PTPRD: variants seen among roughly 807,000 people sequenced by gnomAD.
PTPRD encodes protein tyrosine phosphatase receptor type D, also known as receptor-type tyrosine-protein phosphatase delta.
Under a neutral mutation model 214.5 loss-of-function variants are expected in PTPRD, and 34 were observed. That is an observed-to-expected ratio of 0.16 (90% confidence interval 0.12 to 0.21). The LOEUF (loss-of-function observed/expected upper bound fraction) is 0.21, where lower values mean the gene tolerates loss of function less well. PTPRD is among the 10% of genes least tolerant of loss of function. The pLI, the probability that PTPRD is intolerant of heterozygous loss-of-function variation, is 1.00. For missense variants in PTPRD, 2,545 were observed against 2,398.7 expected (o/e 1.06, Z -1.27); for synonymous variants, 1,128 against 845.7 (o/e 1.33, Z -5.79).
chr9:10,310,574 GAA>G (rs113423947), intron 3 of PTPRD, among the ~76,000 whole-genome samples: 1 of 150,752 alleles, frequency 6.6e-6, no homozygotes, highest in African/African-American at 2.4e-5. Flanking sequence ...CTGAGAGTTA[GAA>G]AAAAAAATGT....
intron 33 of PTPRD, among the ~76,000 whole-genome samples, chr9:8,459,127 A>G (rs1482387009): frequency 6.6e-6 from 1 of 152,106 alleles, no homozygotes; most frequent in Non-Finnish European, 1.5e-5. Flanking sequence ...ACGTTATTCC[A>G]GGGACAGAAG....
intron 11 of PTPRD, chr9:8,861,835 A>G (rs1401355541): frequency 6.6e-6 from 1 of 152,198 alleles, no homozygotes; most frequent in Non-Finnish European, 1.5e-5. Flanking sequence ...TTCATAAAAC[A>G]CTAAATCTAA....
chr9:9,659,317 T>A (rs1363213841), intron 7 of PTPRD, among the ~76,000 whole-genome samples: 1 of 152,102 alleles, frequency 6.6e-6, no homozygotes, highest in Non-Finnish European at 1.5e-5. Flanking sequence ...GGCCTCCAAT[T>A]CTTTATCTGA....
intron 5 of PTPRD, among the ~76,000 whole-genome samples, chr9:9,829,258 T>C (rs2153598947): frequency 6.6e-6 from 1 of 151,962 alleles, no homozygotes; most frequent in Non-Finnish European, 1.5e-5. Flanking sequence ...ATGTTCGTCT[T>C]CTGAATGTTT....
chr9:10,084,427 T>G (rs2098295085), intron 3 of PTPRD, among the ~76,000 whole-genome samples: 1 of 151,876 alleles, frequency 6.6e-6, no homozygotes, highest in African/African-American at 2.4e-5. Flanking sequence ...ATGAATAAAA[T>G]GATAGAAGGG....
Position 10,215,956 on chromosome 9 carries a change from C to T in PTPRD, c.-545+125007G>A, listed in dbSNP as rs553291479. Among the ~76,000 whole-genome samples, 265 of 151,984 alleles carry T rather than the reference C, an allele frequency of 1.7e-3. 1 individual carries two copies. Among genetic ancestry groups the T allele is most frequent in the African/African-American group, 6.0e-3 (248 of 41,480 alleles). On this transcript the variant is annotated intron_variant, in intron 3 of 45. Coordinates refer to ENST00000381196, the MANE Select transcript of PTPRD (RefSeq NM_002839.4). ...AATCAGAGGACAGACCTTCACACCA[C>T]GTTTTAGGCCTGAATATCAATAGTG... is the stretch of plus-strand genomic sequence containing the variant.
At chr9:10,297,580 G>A (rs1289599981) in intron 3 of PTPRD, among the ~76,000 whole-genome samples, 2 of 144,390 alleles carry the variant, frequency 1.4e-5, no homozygotes, top group Non-Finnish European at 3.1e-5. Flanking sequence ...AATGAGTTGT[G>A]TTTTTTTTTT....
At chr9:9,982,775 T>C (rs1268108907) in intron 4 of PTPRD, among the ~76,000 whole-genome samples, 1 of 152,064 alleles carries the variant, frequency 6.6e-6, no homozygotes, top group Non-Finnish European at 1.5e-5. Context: ...AAATAAAAGC[T>C]TAATGAAGCA....
At chr9:10,400,270 A>C (rs180689972) in intron 2 of PTPRD, among the ~76,000 whole-genome samples, 1 of 151,926 alleles carries the variant, frequency 6.6e-6, no homozygotes, top group Admixed American at 6.6e-5. Flanking sequence ...ACAGATATTA[A>C]GTATTTACAA....
Position 9,516,516 on chromosome 9 carries a change from T to C in PTPRD, c.-237+58216A>G, listed in dbSNP as rs528948181. Among the ~76,000 whole-genome samples the C allele has an allele frequency of 4.4e-3, 664 of 149,700 alleles. 3 individuals are homozygous for C. The highest frequency in any genetic ancestry group is 0.014 in the African/African-American group (585 of 40,984). ...AAAAAATAAAATATATATACATATA[T>C]ATTTATTTTATTTTATTTTATTTTA... is the stretch of plus-strand genomic sequence containing the variant. On this transcript the variant is annotated intron_variant, in intron 8 of 45. Coordinates refer to ENST00000381196, the MANE Select transcript of PTPRD (RefSeq NM_002839.4).
intron 5 of PTPRD, among the ~76,000 whole-genome samples, chr9:9,855,619 G>A (rs781670553): frequency 4.6e-5 from 7 of 152,164 alleles, no homozygotes; most frequent in Non-Finnish European, 1.0e-4. Context: ...AACAAAGCGG[G>A]AACTGGAGTG....
intron 9 of PTPRD, among the ~76,000 whole-genome samples, chr9:9,323,257 A>G (rs961218850): frequency 2.0e-5 from 3 of 151,846 alleles, no homozygotes; most frequent in African/African-American, 7.3e-5. Context: ...AAAGACAAAG[A>G]CAAGACTTCA....
At chr9:9,688,764 A>G (rs1036742139) in intron 7 of PTPRD, among the ~76,000 whole-genome samples, 2 of 151,862 alleles carry the variant, frequency 1.3e-5, no homozygotes, top group South Asian at 4.2e-4. Context: ...CTCTACCAGT[A>G]ATACACCTTC....
At chr9:10,516,115 T>C (rs982677474) in intron 2 of PTPRD, among the ~76,000 whole-genome samples, 1 of 151,994 alleles carries the variant, frequency 6.6e-6, no homozygotes, top group African/African-American at 2.4e-5. Flanking sequence ...ATGGGTCATA[T>C]GGTAGCTCTA....
intron 3 of PTPRD, among the ~76,000 whole-genome samples, chr9:10,313,157 A>G (rs1233278011): frequency 1.3e-5 from 2 of 151,962 alleles, no homozygotes; most frequent in Non-Finnish European, 2.9e-5. Flanking sequence ...AAATGCTGAA[A>G]GGAGCCTACA....
chr9:9,066,800 G>A (rs2099735243), intron 10 of PTPRD, among the ~76,000 whole-genome samples: 1 of 152,238 alleles, frequency 6.6e-6, no homozygotes, highest in South Asian at 2.1e-4. Context: ...CTTTCTCGCA[G>A]AACTTTGCGA....
chr9:9,052,416 T>C (rs745924558), intron 10 of PTPRD, among the ~76,000 whole-genome samples: 2 of 152,216 alleles, frequency 1.3e-5, no homozygotes, highest in Non-Finnish European at 2.9e-5. Context: ...GTAGATTGAA[T>C]ACAAGATCAG....
At chr9:9,345,458 C>T (rs147356282) in intron 9 of PTPRD, among the ~76,000 whole-genome samples, 54 of 152,026 alleles carry the variant, frequency 3.6e-4, no homozygotes, top group African/African-American at 1.3e-3. Flanking sequence ...GGAATGGACC[C>T]TGGGCTATGA....
chr9:10,270,542 A>C (rs1411389254), intron 3 of PTPRD, among the ~76,000 whole-genome samples: 1 of 152,214 alleles, frequency 6.6e-6, no homozygotes, highest in Non-Finnish European at 1.5e-5. Context: ...AAGATGTTAA[A>C]TGCAGAACTG....
Sources: gnomAD v4.1 joint callset for allele counts (sites outside exome capture counted in the v4.1 genomes callset) on GRCh38, gnomAD v4.1.1 for gene constraint, MANE v1.5 for transcripts, NCBI Gene and HGNC (gene_info 2026-07-23, HGNC 2026-07-21) for gene names.